PFKFB3: variants seen among roughly 807,000 people sequenced by gnomAD.
PFKFB3 encodes 6-phosphofructo-2-kinase/fructose-2,6-bisphosphatase 3.
A neutral mutation model predicts 68.0 loss-of-function variants in PFKFB3; 33 were observed. The observed-to-expected ratio is 0.49, with a 90% CI of 0.37 to 0.65. PFKFB3 has a LOEUF of 0.65. Among genes scored for constraint, PFKFB3 ranks in the 30% least tolerant of loss-of-function variants. The pLI, the probability that PFKFB3 is intolerant of heterozygous loss-of-function variation, is 0.00. For missense variants in PFKFB3, 586 were observed against 712.2 expected, an observed-to-expected ratio of 0.82 and a Z score of 2.02; for synonymous variants, 315 against 288.2, an observed-to-expected ratio of 1.09 and a Z score of -0.94.
intron 6 of PFKFB3, 37 bp downstream of exon 6, chr10:6,217,228 G>GT: frequency 6.3e-7 from 1 of 1,579,158 alleles, no homozygotes; most frequent in Non-Finnish European, 8.7e-7. Flanking sequence ...CTGCGGCAGC[G>GT]TAGACCACAA....
chr10:6,228,403 G>A lies in PFKFB3; in HGVS notation c.1515+2038G>A, dbSNP rs1428930226. 3.9e-5 allele frequency: 27 copies of A among 686,572 alleles called. No homozygotes were observed. In the East Asian group the frequency reaches 6.2e-4, roughly 16 times the overall value. 42.5% of individuals were successfully genotyped at this position (686,572 alleles called of 1,614,324 possible). A position where few individuals can be genotyped will look rare whatever the true frequency, so the allele number is the denominator to read the frequency against. On this transcript the variant is annotated intron_variant, in intron 14 of 14. Transcript: ENST00000379775. This position sits in a 1 kb window ranked among gnomAD's most constrained non-coding sequence, Gnocchi z 4.5. Reference sequence around the variant, plus strand: ...TTCCTGAATGTTTTTGGAAAAGCGTGCAGGCGGTCATGGTGGCTGCACTAC... The same window carrying A: ...TTCCTGAATGTTTTTGGAAAAGCGTACAGGCGGTCATGGTGGCTGCACTAC...
At position 6,144,971 on chromosome 10, in the gene PFKFB3, G is replaced by T. The variant is rs745364944; in HGVS notation, c.-27G>T. The T allele has an allele frequency of 3.7e-4, 469 of 1,283,662 alleles. 1 individual carries two copies. Among genetic ancestry groups the T allele is most frequent in the Non-Finnish European group, 4.4e-4 (449 of 1,016,316 alleles). The allele number at this position is 1,283,662 out of a possible 1,614,324, so 79.5% of individuals were successfully genotyped here. On this transcript the variant is annotated 5_prime_UTR_variant, in exon 1 of 15. Transcript: ENST00000379789. ...TCGTCCTGTCTGGGTGTCGCGGGCC[G>T]GCCCCGCGGGGAGCGCCCCCGGCGC...
rs1198385054 is a variant in PFKFB3 at position 6,234,956 on chromosome 10, G to A, written c.*2014G>A. 1.3e-5 allele frequency: 2 copies of A among 148,384 alleles called. No individual in the cohort carries two copies. The highest frequency in any genetic ancestry group is 2.5e-5 in the African/African-American group (1 of 40,138). 9.2% of individuals were successfully genotyped at this position (148,384 alleles called of 1,614,324 possible). On this transcript the variant is annotated 3_prime_UTR_variant, in exon 15 of 15. Coordinates refer to ENST00000379775, the MANE Select transcript of PFKFB3 (RefSeq NM_004566.4). ...TCTGGACAGGGAGGGAGATACTATA[G>A]AAAGGAGAACACTGCCTACTTTGCA...
the PFKFB3 span, among the ~76,000 whole-genome samples, chr10:6,306,137 G>A: frequency 2.6e-5 from 4 of 152,190 alleles, no homozygotes; most frequent in Admixed American, 2.6e-4. Context: ...GGGCTTAAGT[G>A]ATCCTCCCGC....
At chr10:6,247,311 G>A (rs896736895) in intron 14 of PFKFB3, among the ~76,000 whole-genome samples, 1 of 152,204 alleles carries the variant, frequency 6.6e-6, no homozygotes, top group African/African-American at 2.4e-5. Flanking sequence ...GGTCAAAAAT[G>A]GAAAGGCTTT....
At chr10:6,318,709 G>GA in the PFKFB3 span, among the ~76,000 whole-genome samples, 3 of 152,228 alleles carry the variant, frequency 2.0e-5, no homozygotes, top group Admixed American at 2.0e-4. Flanking sequence ...GGCCTAAAGG[G>GA]AATCGTGTGG....
chr10:6,220,988 G>A lies in PFKFB3; in HGVS notation c.831+123G>A, dbSNP rs1338311314. 25 of 921,580 alleles carry A rather than the reference G, an allele frequency of 2.7e-5. No individual in the cohort carries two copies. In the East Asian group the frequency reaches 4.3e-4, roughly 16 times the overall value. 57.1% of individuals were successfully genotyped at this position (921,580 alleles called of 1,614,324 possible). ...CTGCTGCTTGGTGTGCTTGCTGTGT[G>A]TGTTATCTGTGTGTGCGCCTGCACG... On this transcript the variant is annotated intron_variant, in intron 8 of 14. Transcript: ENST00000379775. The surrounding 1 kb of genome is among the most constrained non-coding windows in gnomAD (Gnocchi z 4.1).
At chr10:6,297,348 GGAT>G in the PFKFB3 span, among the ~76,000 whole-genome samples, 5 of 152,208 alleles carry the variant, frequency 3.3e-5, no homozygotes, top group Non-Finnish European at 7.3e-5. Context: ...TAGGACACAG[GGAT>G]GATGCTTGAA....
At chr10:6,285,051 A>G in the PFKFB3 span, among the ~76,000 whole-genome samples, 1 of 152,142 alleles carries the variant, frequency 6.6e-6, no homozygotes, top group Non-Finnish European at 1.5e-5. Flanking sequence ...GAACATTGGT[A>G]TACAAGTATC....
In PFKFB3 at chr10:6,235,203, G is replaced by A. The variant is rs1174611424; in HGVS notation, c.*2261G>A. The A allele has an allele frequency of 6.5e-6, 1 of 152,736 alleles. No individual in the cohort carries two copies. Among genetic ancestry groups the A allele is most frequent in the Admixed American group, 6.5e-5 (1 of 15,282 alleles). 9.5% of individuals were successfully genotyped at this position (152,736 alleles called of 1,614,324 possible). On this transcript the variant is annotated 3_prime_UTR_variant, in exon 15 of 15. Coordinates refer to ENST00000379775, the MANE Select transcript of PFKFB3 (RefSeq NM_004566.4). ...ACGGGCAAAGCTCTTCATTTTGAGA[G>A]AGAAGAAAAACTGTTTGGAACCACA...
chr10:6,203,232 G>T lies in PFKFB3; in HGVS notation c.-29G>T, dbSNP rs1321145149. On this transcript the variant is annotated 5_prime_UTR_variant, in exon 1 of 15. Transcript: ENST00000379775. ...GCCAGCGTCGGGATCTCGGCCCCGGGAGGCGGGCCGTCGGGCGCAGCCGCG... is the reference window on the plus strand; with the variant it reads ...GCCAGCGTCGGGATCTCGGCCCCGGTAGGCGGGCCGTCGGGCGCAGCCGCG... 3.1e-6 allele frequency: 5 copies of T among 1,603,264 alleles called. No individual in the cohort carries two copies. Among genetic ancestry groups the T allele is most frequent in the Non-Finnish European group, 4.3e-6 (5 of 1,175,826 alleles).
intron 1 of PFKFB3, among the ~76,000 whole-genome samples, chr10:6,158,224 G>A (rs1337831869): frequency 6.6e-6 from 1 of 152,080 alleles, no homozygotes; most frequent in Non-Finnish European, 1.5e-5. Context: ...GGGAGGCAGA[G>A]CTTGCAGTGA....
chr10:6,224,741 T>A (rs1845213381), intron 13 of PFKFB3: 1 of 320,222 alleles, frequency 3.1e-6, no homozygotes. Context: ...CCTGCCTTAG[T>A]CTCCCAAAGT....
chr10:6,298,431 G>C, the PFKFB3 span, among the ~76,000 whole-genome samples: 3 of 151,372 alleles, frequency 2.0e-5, no homozygotes, highest in African/African-American at 7.3e-5. Flanking sequence ...GGAATTCAGT[G>C]GTGTGATCAT....
chr10:6,156,552 G>A (rs1461283187), intron 1 of PFKFB3, among the ~76,000 whole-genome samples: 2 of 151,860 alleles, frequency 1.3e-5, no homozygotes, highest in African/African-American at 4.8e-5. Context: ...CTGCGGCCCA[G>A]GCTGATGTGC....
upstream of PFKFB3, among the ~76,000 whole-genome samples, chr10:6,199,439 A>G (rs10905980): frequency 0.042 from 6,337 of 151,336 alleles, 320 homozygotes; most frequent in African/African-American, 0.11. Flanking sequence ...GGCTGGACCG[A>G]GCTCAGTGAA....
the PFKFB3 span, among the ~76,000 whole-genome samples, chr10:6,262,690 T>G: frequency 1.3e-5 from 2 of 152,114 alleles, no homozygotes; most frequent in Non-Finnish European, 2.9e-5. Flanking sequence ...AATGGTCACA[T>G]AGGTTTCAGA....
In PFKFB3 at chr10:6,220,195, G is replaced by C. The variant is rs748723686; in HGVS notation, c.624-463G>C. On this transcript the variant is annotated intron_variant, in intron 7 of 14. Coordinates refer to ENST00000379775, the MANE Select transcript of PFKFB3 (RefSeq NM_004566.4). The surrounding 1 kb of genome is among the most constrained non-coding windows in gnomAD (Gnocchi z 4.1). ...TAGCTCACTGCAGGTTCAAACTTCTGGGCTCAAGTAATCCTACCGCCTCAG... is the reference window on the plus strand; with the variant it reads ...TAGCTCACTGCAGGTTCAAACTTCTCGGCTCAAGTAATCCTACCGCCTCAG... Among the ~76,000 whole-genome samples, 14 of 149,148 alleles carry C rather than the reference G, an allele frequency of 9.4e-5. No individual in the cohort carries two copies. The highest frequency in any genetic ancestry group is 2.1e-4 in the South Asian group (1 of 4,780).
intron 14 of PFKFB3, among the ~76,000 whole-genome samples, chr10:6,240,556 G>A (rs577112143): frequency 3.9e-5 from 6 of 152,098 alleles, no homozygotes; most frequent in East Asian, 1.9e-4. Flanking sequence ...GAGCCGCCGC[G>A]CCTGGCCTGA....
Sources: gnomAD v4.1 joint callset for allele counts (sites outside exome capture counted in the v4.1 genomes callset) on GRCh38, gnomAD v4.1.1 for gene constraint, Gnocchi (gnomAD v3.1) non-coding constraint, MANE v1.5 for transcripts, NCBI Gene and HGNC (gene_info 2026-07-23, HGNC 2026-07-21) for gene names.